Variants in RBFOX1 observed in about 807,000 individuals in gnomAD.
RBFOX1 encodes the protein RNA binding fox-1 homolog 1.
RBFOX1 carries 8 observed loss-of-function variants against 57.7 expected under a neutral mutation model. The observed-to-expected ratio is 0.14, with a 90% CI of 0.08 to 0.25. The LOEUF (loss-of-function observed/expected upper bound fraction) is 0.25, where lower values mean the gene tolerates loss of function less well. RBFOX1 is among the 10% of genes least tolerant of loss of function. RBFOX1 has a pLI of 1.00. For missense variants in RBFOX1, 611 were observed against 548.5 expected (o/e 1.11, Z -1.14); for synonymous variants, 326 against 222.4 (o/e 1.47, Z -4.15).
intron 1 of RBFOX1, among the ~76,000 whole-genome samples, chr16:6,146,512 G>C (rs2096759522): frequency 6.6e-6 from 1 of 152,132 alleles, no homozygotes; most frequent in Non-Finnish European, 1.5e-5. Context: ...GACAACCAAA[G>C]AGTGCCTTGG....
chr16:6,955,371 C>T (rs1484673331), intron 3 of RBFOX1, among the ~76,000 whole-genome samples: 1 of 151,758 alleles, frequency 6.6e-6, no homozygotes, highest in African/African-American at 2.4e-5. Flanking sequence ...CACACACACA[C>T]ACGTGCACAT....
chr16:7,014,489 C>G (rs997456656), intron 3 of RBFOX1, among the ~76,000 whole-genome samples: 1 of 151,730 alleles, frequency 6.6e-6, no homozygotes, highest in Non-Finnish European at 1.5e-5. Context: ...TCAGGTGATC[C>G]ACTCTCCTCC....
chr16:5,733,988 C>T (rs747658533), intron 3 of RBFOX1, among the ~76,000 whole-genome samples: 7 of 152,194 alleles, frequency 4.6e-5, no homozygotes, highest in African/African-American at 1.4e-4. Flanking sequence ...TGACTGGGCA[C>T]GTGTTACCTA....
chr16:7,038,471 G>C (rs934633213), intron 3 of RBFOX1, among the ~76,000 whole-genome samples: 3 of 152,176 alleles, frequency 2.0e-5, no homozygotes, highest in Non-Finnish European at 4.4e-5. Flanking sequence ...GAATAAAAAT[G>C]TACCTGGGGT....
intron 4 of RBFOX1, among the ~76,000 whole-genome samples, chr16:7,516,603 T>C (rs1244726025): frequency 1.3e-5 from 2 of 152,198 alleles, no homozygotes; most frequent in Non-Finnish European, 2.9e-5. Flanking sequence ...GCCCCAGTGC[T>C]ATGGGAAAAT....
chr16:6,976,152 A>G (rs1025243757), intron 3 of RBFOX1, among the ~76,000 whole-genome samples: 1 of 152,014 alleles, frequency 6.6e-6, no homozygotes, highest in African/African-American at 2.4e-5. Context: ...ACAAACAAAA[A>G]AACTAGCATT....
intron 4 of RBFOX1, among the ~76,000 whole-genome samples, chr16:7,231,170 A>G (rs534195249): frequency 6.6e-6 from 1 of 152,198 alleles, no homozygotes; most frequent in Non-Finnish European, 1.5e-5. Context: ...ACTATAGCTT[A>G]AAACTCCCAT....
intron 12 of RBFOX1, among the ~76,000 whole-genome samples, chr16:7,659,702 G>C (rs911872780): frequency 2.6e-5 from 4 of 152,230 alleles, no homozygotes; most frequent in African/African-American, 9.6e-5. Context: ...CTGCGGTTTG[G>C]ACAAGCTGCC....
chr16:6,815,495 T>G (rs187157834), intron 3 of RBFOX1, among the ~76,000 whole-genome samples: 2 of 152,152 alleles, frequency 1.3e-5, no homozygotes. Flanking sequence ...TAAGGAGATA[T>G]GATTATATTT....
chr16:5,953,081 T>C (rs2059553226), intron 4 of RBFOX1, among the ~76,000 whole-genome samples: 1 of 148,612 alleles, frequency 6.7e-6, no homozygotes, highest in East Asian at 2.1e-4. Flanking sequence ...CTGATTTAGC[T>C]CTGCCTCTGT....
chr16:6,995,013 A>G lies in RBFOX1; in HGVS notation c.-15-57044A>G, dbSNP rs1278435382. On this transcript the variant is annotated intron_variant, in intron 3 of 15. Transcript: ENST00000550418. ...TAAAAATGTGTTTGCATACGTGTGTATATGGATATATATGTGCCAGGTATT... is the reference window on the plus strand; with the variant it reads ...TAAAAATGTGTTTGCATACGTGTGTGTATGGATATATATGTGCCAGGTATT... Among the ~76,000 whole-genome samples, 3 of 148,726 alleles carry G rather than the reference A, an allele frequency of 2.0e-5. No homozygotes were observed. The East Asian group carries it at 6.3e-4, about 31-fold the overall frequency.
chr16:7,426,422 C>T (rs2098613346), intron 4 of RBFOX1, among the ~76,000 whole-genome samples: 1 of 152,248 alleles, frequency 6.6e-6, no homozygotes, highest in South Asian at 2.1e-4. Flanking sequence ...TTATTAACTC[C>T]CCACCTCTGA....
chr16:6,258,407 T>G (rs1253696746), intron 1 of RBFOX1, among the ~76,000 whole-genome samples: 2 of 152,198 alleles, frequency 1.3e-5, no homozygotes, highest in Admixed American at 6.5e-5. Context: ...TCTCTTAGAA[T>G]GAGTGTGTTT....
At position 7,120,456 on chromosome 16, in the gene RBFOX1, A is replaced by T. The variant is rs1378192324; in HGVS notation, c.27+68358A>T. Among the ~76,000 whole-genome samples the T allele has an allele frequency of 2.0e-5, 3 of 152,164 alleles. No individual in the cohort carries two copies. In the South Asian group the frequency reaches 6.2e-4, roughly 32 times the overall value. On this transcript the variant is annotated intron_variant, in intron 4 of 15. Transcript: ENST00000550418. ...ACTGACAAAAAGCAGAGATGACAAA[A>T]ATTACAAACATCACATAAATTAAAA...
At chr16:6,482,277 G>A (rs2095382953) in intron 2 of RBFOX1, among the ~76,000 whole-genome samples, 1 of 152,178 alleles carries the variant, frequency 6.6e-6, no homozygotes, top group Non-Finnish European at 1.5e-5. Flanking sequence ...AGTGCTTGAG[G>A]TAGCAAAGCC....
intron 3 of RBFOX1, among the ~76,000 whole-genome samples, chr16:6,945,397 C>G (rs749201943): frequency 4.0e-5 from 6 of 150,106 alleles, no homozygotes; most frequent in Non-Finnish European, 9.0e-5. Context: ...TGTGCCATTT[C>G]TAGATGGCCA....
chr16:6,607,754 G>T (rs1315809566), intron 2 of RBFOX1, among the ~76,000 whole-genome samples: 3 of 152,122 alleles, frequency 2.0e-5, no homozygotes, highest in African/African-American at 4.8e-5. Context: ...GCTGTATATG[G>T]TTCCAAAATT....
chr16:6,282,355 G>GTTT (rs151272388), intron 1 of RBFOX1, among the ~76,000 whole-genome samples: 6 of 125,228 alleles, frequency 4.8e-5, no homozygotes, highest in African/African-American at 5.8e-5. Flanking sequence ...TACCTTGTCT[G>GTTT]TTTTTTTTTT....
At chr16:6,010,546 C>T (rs1046306952) in intron 4 of RBFOX1, among the ~76,000 whole-genome samples, 41 of 152,330 alleles carry the variant, frequency 2.7e-4, no homozygotes, top group African/African-American at 9.6e-4. Context: ...CAGTTCACTA[C>T]TGACATTCAA....
Sources: allele counts gnomAD v4.1 joint callset (sites outside exome capture counted in the v4.1 genomes callset), GRCh38; gene constraint gnomAD v4.1.1; transcripts MANE v1.5; gene names NCBI Gene and HGNC (gene_info 2026-07-23, HGNC 2026-07-21).